TNFRSF12A: variants seen among roughly 807,000 people sequenced by gnomAD.
The protein encoded by TNFRSF12A is tumor necrosis factor receptor superfamily member 12A.
Under a neutral mutation model 15.5 loss-of-function variants are expected in TNFRSF12A, and 13 were observed. The ratio of observed to expected loss-of-function variants is 0.84; its 90% CI spans 0.54 to 1.33. TNFRSF12A has a LOEUF of 1.33. TNFRSF12A is among the 40% of genes most tolerant of loss of function. The pLI is 0.00. For missense variants in TNFRSF12A, 174 were observed against 173.6 expected (o/e 1.00, Z -0.01); for synonymous variants, 89 against 78.4 (o/e 1.14, Z -0.71).
intron 1 of TNFRSF12A, chr16:3,020,895 G>A (rs2072603890): frequency 6.5e-6 from 3 of 461,134 alleles, no homozygotes; most frequent in Non-Finnish European, 7.6e-6. Context: ...TCTATACCAT[G>A]TGGGGTGCCC....
intron 1 of TNFRSF12A, 174 bp from the exon 2 acceptor site, chr16:3,021,041 G>C (rs914636547): frequency 8.6e-6 from 4 of 462,446 alleles, no homozygotes; most frequent in African/African-American, 8.2e-5. Context: ...AGCGTCCCGC[G>C]CTACGCCCTC....
rs1416754151 is a variant in TNFRSF12A at position 3,021,278 on chromosome 16, C to G, written c.158C>G (p.Ala53Gly). 6.3e-6 allele frequency: 10 copies of G among 1,590,568 alleles called. No individual in the cohort carries two copies. The highest frequency in any genetic ancestry group is 1.3e-5 in the African/African-American group (1 of 74,248). ...SADLDKCMDC[A>G]SCRARPHSDF... The stretch of plus-strand genomic sequence containing the variant: ...GACCTGGACAAGTGCATGGACTGCG[C>G]GTCTTGCAGGGCGCGACCGCACAGC... The change falls in exon 2 of 4, where the codon GCG (alanine) becomes GGG (glycine). Residue 53 changes from alanine (A) to glycine (G), a missense_variant. Ala to Gly is a moderately conservative substitution (Grantham distance 60). Transcript: ENST00000326577.
Position 3,021,911 on chromosome 16 carries a change from G to A in TNFRSF12A, c.*85G>A, listed in dbSNP as rs1432137184. On this transcript the variant is annotated 3_prime_UTR_variant, in exon 4 of 4. Transcript: ENST00000326577. The stretch of plus-strand genomic sequence containing the variant: ...CCAGTCTCTGCCTCCCAGACGCGGC[G>A]GGAGCCAAGCTCCTCCAACCACAAG... 11 of 1,499,684 alleles carry A rather than the reference G, an allele frequency of 7.3e-6. No homozygotes were observed. The highest frequency in any genetic ancestry group is 2.3e-5 in the East Asian group (1 of 43,554). The allele number at this position is 1,499,684 out of a possible 1,614,324, so 92.9% of individuals were successfully genotyped here. A position where few individuals can be genotyped will look rare whatever the true frequency, so the allele number is the denominator to read the frequency against.
Position 3,021,628 on chromosome 16 carries a change from G to A in TNFRSF12A, c.273G>A (p.Val91=), listed in dbSNP as rs200551574. ...ILGGALSLTF[V]LGLLSGFLVW... Reference sequence around the variant, plus strand: ...GGGGCGCTCTGAGCCTGACCTTCGTGCTGGGGCTGCTTTCTGGCTTTTTGG... The same window carrying A: ...GGGGCGCTCTGAGCCTGACCTTCGTACTGGGGCTGCTTTCTGGCTTTTTGG... Residue 91 remains valine, a synonymous_variant, in exon 3 of 4, where the codon GTG becomes GTA. Transcript: ENST00000326577. 44 of 1,613,696 alleles carry A rather than the reference G, an allele frequency of 2.7e-5. No homozygotes were observed. The African/African-American group carries it at 5.3e-4, about 20-fold the overall frequency.
intron 1 of TNFRSF12A, chr16:3,020,707 T>G (rs903465406): frequency 6.3e-5 from 25 of 399,086 alleles, no homozygotes; most frequent in Admixed American, 4.4e-5. Context: ...CAATTGGGGT[T>G]GGGGGGGGTC....
chr16:3,021,916 C>A lies in TNFRSF12A; in HGVS notation c.*90C>A. On this transcript the variant is annotated 3_prime_UTR_variant, in exon 4 of 4. Transcript: ENST00000326577. The stretch of plus-strand genomic sequence containing the variant: ...CTCTGCCTCCCAGACGCGGCGGGAG[C>A]CAAGCTCCTCCAACCACAAGGGGGG... The A allele has an allele frequency of 7.0e-7, 1 of 1,433,784 alleles. No homozygotes were observed. Among genetic ancestry groups the A allele is most frequent in the Non-Finnish European group, 9.5e-7 (1 of 1,052,032 alleles). 88.8% of individuals were successfully genotyped at this position (1,433,784 alleles called of 1,614,324 possible). A position where few individuals can be genotyped will look rare whatever the true frequency, so the allele number is the denominator to read the frequency against.
Position 3,021,583 on chromosome 16 carries a change from G to C in TNFRSF12A, c.228G>C (p.Arg76=). The change falls in exon 3 of 4, where the codon CGG becomes CGC. Residue 76 remains arginine (R), a synonymous_variant. Coordinates refer to ENST00000326577, the MANE Select transcript of TNFRSF12A (RefSeq NM_016639.3). The part of the protein sequence containing the change: ...GCAAAPPAPF[R]LLWPILGGAL... ...CTGCAGCACCTCCTGCCCCCTTCCG[G>C]CTGCTTTGGCCCATCCTTGGGGGCG... 1 of 1,612,246 alleles carries C rather than the reference G, an allele frequency of 6.2e-7. No individual in the cohort carries two copies. The highest frequency in any genetic ancestry group is 8.5e-7 in the Non-Finnish European group (1 of 1,179,432).
Position 3,020,462 on chromosome 16 carries a change from T to A in TNFRSF12A, c.65T>A (p.Leu22Gln). The change falls in exon 1 of 4, where the codon CTG (leucine) becomes CAG (glutamine). Residue 22 changes from leucine (L) to glutamine (Q), a missense_variant. Leu to Gln is a moderately radical substitution (Grantham distance 113). Transcript: ENST00000326577. ...LLVLGLWLAL[L>Q]RSVAGEQAPG... ...GTGCTGGGGCTCTGGCTGGCGTTGCTGCGCTCCGTGGCCGGGGAGCAAGCG... is the reference window on the plus strand; with the variant it reads ...GTGCTGGGGCTCTGGCTGGCGTTGCAGCGCTCCGTGGCCGGGGAGCAAGCG... 1 of 1,294,848 alleles carries A rather than the reference T, an allele frequency of 7.7e-7. No homozygotes were observed. Among genetic ancestry groups the A allele is most frequent in the Non-Finnish European group, 9.8e-7 (1 of 1,020,258 alleles). 80.2% of individuals were successfully genotyped at this position (1,294,848 alleles called of 1,614,324 possible). A position where few individuals can be genotyped will look rare whatever the true frequency, so the allele number is the denominator to read the frequency against.
At chr16:3,020,549 T>C in intron 1 of TNFRSF12A, 58 bp downstream of exon 1, 1 of 1,203,970 alleles carries the variant, frequency 8.3e-7, no homozygotes, top group African/African-American at 1.6e-5. Context: ...CCGGACTGGG[T>C]GTCTGGAGAA....
At chr16:3,021,729 A>G (rs1406065604) in intron 3 of TNFRSF12A, 40 bp downstream of exon 3, 1 of 1,610,886 alleles carries the variant, frequency 6.2e-7, no homozygotes, top group East Asian at 2.2e-5. Flanking sequence ...TCAGCACTCG[A>G]CCTTTTCTCT....
rs755232175 is a variant in TNFRSF12A, at chr16:3,021,589, T to G, written c.234T>G (p.Leu78=). ...CACCTCCTGCCCCCTTCCGGCTGCT[T>G]TGGCCCATCCTTGGGGGCGCTCTGA... is the stretch of plus-strand genomic sequence containing the variant. The part of the protein sequence containing the change: ...AAAPPAPFRL[L]WPILGGALSL... The change falls in exon 3 of 4, where the codon CTT becomes CTG. Residue 78 remains leucine (L), a synonymous_variant. Transcript: ENST00000326577. 2.9e-5 allele frequency: 46 copies of G among 1,612,810 alleles called. No homozygotes were observed. In the South Asian group the frequency reaches 4.9e-4, roughly 17 times the overall value.
Position 3,021,949 on chromosome 16 carries a change from C to A in TNFRSF12A, c.*123C>A. ...CTCCAACCACAAGGGGGGTGGGGGG[C>A]GGTGAATCACCTCTGAGGCCTGGGC... On this transcript the variant is annotated 3_prime_UTR_variant, in exon 4 of 4. Coordinates refer to ENST00000326577, the MANE Select transcript of TNFRSF12A (RefSeq NM_016639.3). The A allele has an allele frequency of 1.8e-6, 2 of 1,098,140 alleles. No individual in the cohort carries two copies. Among genetic ancestry groups the A allele is most frequent in the Non-Finnish European group, 2.6e-6 (2 of 770,400 alleles). 68.0% of individuals were successfully genotyped at this position (1,098,140 alleles called of 1,614,324 possible).
At position 3,022,046 on chromosome 16, in the gene TNFRSF12A, A is replaced by C. The variant is rs1342784745; in HGVS notation, c.*220A>C. The C allele has an allele frequency of 3.6e-6, 2 of 558,568 alleles. No individual in the cohort carries two copies. Among genetic ancestry groups the C allele is most frequent in the Non-Finnish European group, 6.3e-6 (2 of 317,308 alleles). The allele number at this position is 558,568 out of a possible 1,614,324, so 34.6% of individuals were successfully genotyped here. On this transcript the variant is annotated 3_prime_UTR_variant, in exon 4 of 4. Transcript: ENST00000326577. ...GGCTCCAGAACAGAAAGGGAGCCTC[A>C]CGCTGGCTCACACAAAACAGCTGAC...
chr16:3,021,205 C>T lies in TNFRSF12A; in HGVS notation c.95-10C>T, dbSNP rs1347072596. 3 of 1,516,732 alleles carry T rather than the reference C, an allele frequency of 2.0e-6. No individual in the cohort carries two copies. Among genetic ancestry groups the T allele is most frequent in the Non-Finnish European group, 2.7e-6 (3 of 1,125,168 alleles). The allele number at this position is 1,516,732 out of a possible 1,614,324, so 94.0% of individuals were successfully genotyped here. ...CGCCCCCAGCCTCTGACCCGAGGCC[C>T]CCTCCCCAGGCACCGCCCCCTGCTC... On this transcript the variant is annotated splice_polypyrimidine_tract_variant and intron_variant, in intron 1 of 3. Transcript: ENST00000326577.
chr16:3,022,003 T>G lies in TNFRSF12A; in HGVS notation c.*177T>G. 4.6e-6 allele frequency: 3 copies of G among 645,772 alleles called. No individual in the cohort carries two copies. In the South Asian group the frequency reaches 6.2e-5, roughly 13 times the overall value. The allele number at this position is 645,772 out of a possible 1,614,324, so 40.0% of individuals were successfully genotyped here. A position where few individuals can be genotyped will look rare whatever the true frequency, so the allele number is the denominator to read the frequency against. On this transcript the variant is annotated 3_prime_UTR_variant, in exon 4 of 4. Coordinates refer to ENST00000326577, the MANE Select transcript of TNFRSF12A (RefSeq NM_016639.3). ...GGGTTCAGGGGAACCTTCCAAGGTG[T>G]CTGGTTGCCCTGCCTCTGGCTCCAG...
chr16:3,021,447 G>A, intron 2 of TNFRSF12A, 108 bp from the exon 3 acceptor site: 1 of 1,428,726 alleles, frequency 7.0e-7, no homozygotes, highest in Non-Finnish European at 9.2e-7. Context: ...CTGGGAGGGG[G>A]CTCCGGTCAG....
At chr16:3,021,473 TG>T in intron 2 of TNFRSF12A, 81 bp from the exon 3 acceptor site, 1 of 1,456,764 alleles carries the variant, frequency 6.9e-7, no homozygotes, top group Non-Finnish European at 9.1e-7. Context: ...AGGCCACGTT[TG>T]GGAGAAGGCA....
At position 3,021,848 on chromosome 16, in the gene TNFRSF12A, G is replaced by C. The variant is rs548591194; in HGVS notation, c.*22G>C. 2.5e-6 allele frequency: 4 copies of C among 1,610,106 alleles called. No individual in the cohort carries two copies. In the South Asian group the frequency reaches 3.3e-5, roughly 13 times the overall value. On this transcript the variant is annotated 3_prime_UTR_variant, in exon 4 of 4. Coordinates refer to ENST00000326577, the MANE Select transcript of TNFRSF12A (RefSeq NM_016639.3). Reference sequence around the variant, plus strand: ...GTGACAATGTGCCCCCTGCCAGCCGGGGCTCGCCCACTCATCATTCATTCA... The same window carrying C: ...GTGACAATGTGCCCCCTGCCAGCCGCGGCTCGCCCACTCATCATTCATTCA...
Position 3,021,615 on chromosome 16 carries a change from G to T in TNFRSF12A, c.260G>T (p.Ser87Ile), listed in dbSNP as rs757865054. 1.2e-6 allele frequency: 2 copies of T among 1,613,576 alleles called. No homozygotes were observed. Among genetic ancestry groups the T allele is most frequent in the South Asian group, 2.2e-5 (2 of 91,084 alleles). The change falls in exon 3 of 4, where the codon AGC becomes ATC. Residue 87 changes from serine (S) to isoleucine (I), a missense_variant. By Grantham distance (142) the Ser-to-Ile change is moderately radical (BLOSUM62 -2). Coordinates refer to ENST00000326577, the MANE Select transcript of TNFRSF12A (RefSeq NM_016639.3). ...LLWPILGGAL[S>I]LTFVLGLLSG... ...TGGCCCATCCTTGGGGGCGCTCTGA[G>T]CCTGACCTTCGTGCTGGGGCTGCTT...
Sources: gnomAD v4.1 joint callset for allele counts on GRCh38, gnomAD v4.1.1 for gene constraint, MANE v1.5 for transcripts, NCBI Gene and HGNC (gene_info 2026-07-23, HGNC 2026-07-21) for gene names.